AP4E1: variants seen among roughly 807,000 people sequenced by gnomAD.
AP4E1 encodes the protein adaptor related protein complex 4 subunit epsilon 1.
AP4E1 carries 56 observed loss-of-function variants against 128.2 expected under a neutral mutation model. The observed-to-expected ratio is 0.44, with a 90% confidence interval of 0.35 to 0.55. The LOEUF (loss-of-function observed/expected upper bound fraction) is 0.55. Among genes scored for constraint, AP4E1 ranks in the 20% least tolerant of loss-of-function variants. The pLI, the probability that AP4E1 is intolerant of heterozygous loss-of-function variation, is 0.00. For synonymous variants in AP4E1, 484 were observed against 473.1 expected, an observed-to-expected ratio of 1.02 and a Z score of -0.30; for missense variants, 1,324 against 1,307.7, an observed-to-expected ratio of 1.01 and a Z score of -0.19.
chr15:50,954,914 A>T (rs7161775), intron 13 of AP4E1, among the ~76,000 whole-genome samples: 2 of 152,200 alleles, frequency 1.3e-5, no homozygotes, highest in Admixed American at 6.5e-5. Context: ...TCATTGTTCA[A>T]TTCCCACCTA....
intron 10 of AP4E1, among the ~76,000 whole-genome samples, chr15:50,942,475 T>A (rs182589818): frequency 5.2e-4 from 79 of 151,980 alleles, no homozygotes; most frequent in Non-Finnish European, 1.0e-3. Flanking sequence ...TTCTCTTTTA[T>A]ATCTATAAAA....
intron 8 of AP4E1, among the ~76,000 whole-genome samples, chr15:50,940,705 G>A (rs565761307): frequency 2.4e-4 from 37 of 152,092 alleles, no homozygotes; most frequent in African/African-American, 8.0e-4. Flanking sequence ...AGCTCCAACC[G>A]CATGACTCAT....
chr15:50,956,944 G>T (rs2064232285), intron 13 of AP4E1, among the ~76,000 whole-genome samples: 1 of 152,146 alleles, frequency 6.6e-6, no homozygotes, highest in Non-Finnish European at 1.5e-5. Context: ...AGGTGAGCGG[G>T]TGCAGGAGCC....
intron 7 of AP4E1, 154 bp from the exon 8 acceptor site, chr15:50,934,470 C>T: frequency 3.4e-6 from 2 of 591,756 alleles, no homozygotes; most frequent in Non-Finnish European, 6.1e-6. Context: ...AAACAGCAAA[C>T]CTTTTAAGAA....
At chr15:50,922,949 T>C (rs960000991) in intron 3 of AP4E1, among the ~76,000 whole-genome samples, 3 of 152,114 alleles carry the variant, frequency 2.0e-5, no homozygotes, top group Non-Finnish European at 4.4e-5. Flanking sequence ...GGCTAATTTT[T>C]TGTATTTTTA....
chr15:50,971,612 C>T (rs532985799), intron 15 of AP4E1, among the ~76,000 whole-genome samples: 33 of 152,134 alleles, frequency 2.2e-4, no homozygotes, highest in African/African-American at 7.2e-4. Flanking sequence ...CCCACAAATC[C>T]TGTAGGCTTT....
At chr15:50,984,973 T>A (rs1185922814) in intron 16 of AP4E1, among the ~76,000 whole-genome samples, 8 of 152,168 alleles carry the variant, frequency 5.3e-5, no homozygotes, top group Non-Finnish European at 7.3e-5. Context: ...GCACCTGTTG[T>A]TTCCTGACTT....
At chr15:50,976,234 A>G (rs552224217) in intron 15 of AP4E1, among the ~76,000 whole-genome samples, 1 of 152,314 alleles carries the variant, frequency 6.6e-6, no homozygotes, top group East Asian at 1.9e-4. Flanking sequence ...AACATCTGAA[A>G]ATAAATTAAT....
chr15:50,924,084 G>A, intron 4 of AP4E1, 80 bp downstream of exon 4: 1 of 1,189,406 alleles, frequency 8.4e-7, no homozygotes, highest in Non-Finnish European at 1.2e-6. Flanking sequence ...TATTCAACTA[G>A]ATGAGATTAG....
chr15:50,924,090 A>G, intron 4 of AP4E1, 86 bp downstream of exon 4: 1 of 1,152,190 alleles, frequency 8.7e-7, no homozygotes, highest in South Asian at 1.3e-5. Context: ...ACTAGATGAG[A>G]TTAGAAGAAA....
intron 1 of AP4E1, among the ~76,000 whole-genome samples, chr15:50,911,078 C>A (rs566593503): frequency 6.6e-6 from 1 of 152,286 alleles, no homozygotes; most frequent in South Asian, 2.1e-4. Context: ...CAGTTTGAAA[C>A]TGTAGATAGG....
chr15:50,941,843 A>G, intron 10 of AP4E1, 68 bp downstream of exon 10: 1 of 1,198,094 alleles, frequency 8.3e-7, no homozygotes, highest in Non-Finnish European at 1.2e-6. Context: ...GGCATTGTGT[A>G]GAGAGATTAA....
intron 5 of AP4E1, among the ~76,000 whole-genome samples, chr15:50,928,003 ACATAGGAT>A (rs1177178421): frequency 6.6e-6 from 1 of 152,180 alleles, no homozygotes; most frequent in Admixed American, 6.5e-5. Flanking sequence ...TACATCATGA[ACATAGGAT>A]GGCATTTCTT....
intron 16 of AP4E1, among the ~76,000 whole-genome samples, chr15:50,991,232 A>C (rs2064802700): frequency 6.6e-6 from 1 of 152,154 alleles, no homozygotes; most frequent in African/African-American, 2.4e-5. Context: ...CATTGAAGAG[A>C]GATCCGGATG....
chr15:50,912,173 A>G (rs1347231030), intron 2 of AP4E1, 24 bp downstream of exon 2: 2 of 1,584,974 alleles, frequency 1.3e-6, no homozygotes, highest in Non-Finnish European at 1.7e-6. Flanking sequence ...GTCAGTGCCA[A>G]CACATTTGAA....
chr15:50,929,543 AT>A (rs2063806978), intron 6 of AP4E1, among the ~76,000 whole-genome samples: 1 of 151,842 alleles, frequency 6.6e-6, no homozygotes, highest in African/African-American at 2.4e-5. Flanking sequence ...CAAGCTATAG[AT>A]TGTAGTATTG....
chr15:50,998,659 A>G (rs1303766247), intron 18 of AP4E1, among the ~76,000 whole-genome samples: 1 of 152,120 alleles, frequency 6.6e-6, no homozygotes, highest in African/African-American at 2.4e-5. Flanking sequence ...TGGAACTTAA[A>G]AAAACAGACC....
rs779139742 is a variant in AP4E1 at position 50,941,540 on chromosome 15, C to T, written c.1042C>T (p.Pro348Ser). Residue 348 changes from proline (P) to serine (S), a missense_variant, in exon 9 of 21, where the codon CCT (proline) becomes TCT (serine). Physicochemically the swap from Pro to Ser is moderately conservative, Grantham distance 74 (BLOSUM62 -1). Coordinates refer to ENST00000261842, the MANE Select transcript of AP4E1 (RefSeq NM_007347.5). ...GTGCATTGGAAAATTTGTTCTGTCACCTAAAATAAATCTAAAATATTTAGG... is the reference window on the plus strand; with the variant it reads ...GTGCATTGGAAAATTTGTTCTGTCATCTAAAATAAATCTAAAATATTTAGG... The part of the protein sequence containing the change: ...AKCIGKFVLS[P>S]KINLKYLGLK... 2 of 1,612,914 alleles carry T rather than the reference C, an allele frequency of 1.2e-6. No individual in the cohort carries two copies. The highest frequency in any genetic ancestry group is 1.7e-4 in the Middle Eastern group (1 of 6,052).
At chr15:51,001,839 A>G (rs946220416) in intron 20 of AP4E1, among the ~76,000 whole-genome samples, 1 of 152,130 alleles carries the variant, frequency 6.6e-6, no homozygotes, top group East Asian at 1.9e-4. Flanking sequence ...ATTTGGTTAT[A>G]TACCCAGAAG....
Sources: allele counts gnomAD v4.1 joint callset (sites outside exome capture counted in the v4.1 genomes callset), GRCh38; gene constraint gnomAD v4.1.1; transcripts MANE v1.5; gene names NCBI Gene and HGNC (gene_info 2026-07-23, HGNC 2026-07-21).